Variants in MYRIP observed in about 807,000 individuals in gnomAD.
MYRIP encodes myosin VIIA and Rab interacting protein, also known as rab effector MyRIP.
A neutral mutation model predicts 98.0 loss-of-function variants in MYRIP; 49 were observed. The observed-to-expected ratio is 0.50, with a 90% CI of 0.40 to 0.63. The LOEUF is 0.63. Ranked by LOEUF, MYRIP falls within the 30% of genes least tolerant of loss-of-function variation. The pLI, the probability that MYRIP is intolerant of heterozygous loss-of-function variation, is 0.00. For synonymous variants in MYRIP, 404 were observed against 409.5 expected, an observed-to-expected ratio of 0.99 and a Z score of 0.16; for missense variants, 1,004 against 1,058.2, an observed-to-expected ratio of 0.95 and a Z score of 0.71.
chr3:40,231,342 A>G (rs1952650853), intron 11 of MYRIP, among the ~76,000 whole-genome samples: 1 of 152,248 alleles, frequency 6.6e-6, no homozygotes, highest in South Asian at 2.1e-4. Flanking sequence ...GGCATGCGTG[A>G]GGGCAGGAAC....
intron 2 of MYRIP, among the ~76,000 whole-genome samples, chr3:39,931,184 TC>T (rs1944529106): frequency 6.6e-6 from 1 of 152,100 alleles, no homozygotes; most frequent in African/African-American, 2.4e-5. Flanking sequence ...GGGATATCTT[TC>T]CATTTATTTG....
chr3:40,248,763 C>CT (rs1953281263), intron 13 of MYRIP, among the ~76,000 whole-genome samples: 3 of 152,190 alleles, frequency 2.0e-5, no homozygotes, highest in African/African-American at 7.2e-5. Flanking sequence ...TAGCCTGCAA[C>CT]TTTTCTCAGA....
chr3:40,031,448 G>A (rs1174433075), intron 2 of MYRIP, among the ~76,000 whole-genome samples: 1 of 152,124 alleles, frequency 6.6e-6, no homozygotes, highest in East Asian at 1.9e-4. Flanking sequence ...GATGGCTAGA[G>A]GCTGCAATGC....
Position 40,163,096 on chromosome 3 carries a change from C to G in MYRIP, c.550+286C>G, listed in dbSNP as rs540105011. 9.8e-5 allele frequency: 29 copies of G among 294,744 alleles called. No homozygotes were observed. The East Asian group carries it at 1.9e-3, about 19-fold the overall frequency. The allele number at this position is 294,744 out of a possible 1,614,324, so 18.3% of individuals were successfully genotyped here. A position where few individuals can be genotyped will look rare whatever the true frequency, so the allele number is the denominator to read the frequency against. Reference sequence around the variant, plus strand: ...TCTTCTGGAGTTGGAACATATCAATCAATCCACTCACTTGTGCATCTCATA... The same window carrying G: ...TCTTCTGGAGTTGGAACATATCAATGAATCCACTCACTTGTGCATCTCATA... On this transcript the variant is annotated intron_variant, in intron 5 of 16. Transcript: ENST00000302541.
chr3:39,998,062 C>T (rs1946414164), intron 2 of MYRIP, among the ~76,000 whole-genome samples: 1 of 152,122 alleles, frequency 6.6e-6, no homozygotes, highest in African/African-American at 2.4e-5. Context: ...CTATGACAAA[C>T]CCACAGCCAA....
intron 3 of MYRIP, among the ~76,000 whole-genome samples, chr3:40,053,990 G>A (rs945737140): frequency 1.3e-5 from 2 of 152,114 alleles, no homozygotes; most frequent in African/African-American, 4.8e-5. Context: ...ACAGCCCATG[G>A]GTATAGCATT....
chr3:39,879,700 C>A (rs1346848241), intron 1 of MYRIP, among the ~76,000 whole-genome samples: 1 of 152,142 alleles, frequency 6.6e-6, no homozygotes, highest in Admixed American at 6.5e-5. Flanking sequence ...AACTTGTTGG[C>A]CTTCAACTCC....
intron 3 of MYRIP, among the ~76,000 whole-genome samples, chr3:40,131,147 C>T (rs1427709776): frequency 1.3e-5 from 2 of 152,180 alleles, no homozygotes; most frequent in East Asian, 3.8e-4. Flanking sequence ...CCCCCATGCT[C>T]CAAAACAAAT....
At chr3:40,070,012 ATAAATTTT>A (rs1948192954) in intron 3 of MYRIP, among the ~76,000 whole-genome samples, 1 of 152,238 alleles carries the variant, frequency 6.6e-6, no homozygotes, top group African/African-American at 2.4e-5. Context: ...ATACATAGAC[ATAAATTTT>A]TAAATAGGAG....
intron 1 of MYRIP, among the ~76,000 whole-genome samples, chr3:39,824,150 T>C (rs1202842117): frequency 6.6e-6 from 1 of 152,218 alleles, no homozygotes; most frequent in South Asian, 2.1e-4. Context: ...TTGTCAAAAA[T>C]CATCTGGTTG....
rs1953334129 is a variant in MYRIP, at chr3:40,250,305, G to T, written c.2346G>T (p.Arg782=). 6.2e-7 allele frequency: 1 copy of T among 1,613,956 alleles called. No individual in the cohort carries two copies. The highest frequency in any genetic ancestry group is 1.7e-5 in the Admixed American group (1 of 59,994). ...IAPCVRFTRR[R]DQKQRTQVQT... ...CATGTGTGCGCTTCACAAGAAGACG[G>T]GATCAGAAGCAAAGGACCCAGGTGT... Residue 782 remains arginine (R), a synonymous_variant, in exon 14 of 17, where the codon CGG becomes CGT. Coordinates refer to ENST00000302541, the MANE Select transcript of MYRIP (RefSeq NM_015460.4).
chr3:40,085,569 C>T (rs1948610260), intron 3 of MYRIP, among the ~76,000 whole-genome samples: 1 of 152,174 alleles, frequency 6.6e-6, no homozygotes, highest in Non-Finnish European at 1.5e-5. Context: ...CAGGCATGAA[C>T]CACTACACCC....
intron 10 of MYRIP, among the ~76,000 whole-genome samples, chr3:40,193,190 G>C (rs1951290486): frequency 6.6e-6 from 1 of 152,206 alleles, no homozygotes; most frequent in Non-Finnish European, 1.5e-5. Flanking sequence ...ATTACATTGA[G>C]ATGGTGTATC....
chr3:40,181,416 G>T (rs1950880580), intron 8 of MYRIP, among the ~76,000 whole-genome samples: 1 of 152,218 alleles, frequency 6.6e-6, no homozygotes, highest in African/African-American at 2.4e-5. Context: ...ACATCAACCA[G>T]CAGGTGGAAG....
chr3:40,085,200 A>G (rs891835379), intron 3 of MYRIP, among the ~76,000 whole-genome samples: 28 of 150,550 alleles, frequency 1.9e-4, no homozygotes, highest in Non-Finnish European at 4.4e-5. Flanking sequence ...TTATATATCC[A>G]CAGATAATAT....
At chr3:40,195,615 T>C (rs1382013695) in intron 10 of MYRIP, among the ~76,000 whole-genome samples, 1 of 152,238 alleles carries the variant, frequency 6.6e-6, no homozygotes, top group Non-Finnish European at 1.5e-5. Context: ...TTCTATAATC[T>C]GTTAATGTTG....
At chr3:40,198,069 G>A (rs1355079227) in intron 10 of MYRIP, among the ~76,000 whole-genome samples, 1 of 152,146 alleles carries the variant, frequency 6.6e-6, no homozygotes, top group Non-Finnish European at 1.5e-5. Flanking sequence ...CACTTTGCAT[G>A]GTTTTTGTAG....
intron 1 of MYRIP, among the ~76,000 whole-genome samples, chr3:39,826,468 GA>G (rs1941270095): frequency 6.6e-6 from 1 of 151,884 alleles, no homozygotes; most frequent in African/African-American, 2.4e-5. Flanking sequence ...GTATAGTTTT[GA>G]ATATTCTTAT....
chr3:40,233,735 T>C (rs1254475783), intron 11 of MYRIP, 124 bp from the exon 12 acceptor site: 3 of 863,536 alleles, frequency 3.5e-6, no homozygotes, highest in Non-Finnish European at 5.4e-6. Context: ...AGCACATTGG[T>C]GTTTGTGTGT....
Sources: allele counts gnomAD v4.1 joint callset (sites outside exome capture counted in the v4.1 genomes callset), GRCh38; gene constraint gnomAD v4.1.1; transcripts MANE v1.5; gene names NCBI Gene and HGNC (gene_info 2026-07-23, HGNC 2026-07-21).